EYA1: variants seen among roughly 807,000 people sequenced by gnomAD.
EYA1 encodes EYA transcriptional coactivator and phosphatase 1, also known as protein phosphatase EYA1.
In EYA1, 16 loss-of-function variants were observed where a neutral mutation model predicts 82.0. That is an observed-to-expected ratio of 0.20 (90% CI 0.13 to 0.30). The LOEUF (loss-of-function observed/expected upper bound fraction) is 0.30. Ranked by LOEUF, EYA1 falls within the 10% of genes least tolerant of loss-of-function variation. The probability of loss-of-function intolerance (pLI) is 1.00; values close to 1 mark genes in which losing one functional copy is unlikely to be tolerated. For synonymous variants in EYA1, 261 were observed against 264.4 expected (o/e 0.99, Z 0.12); for missense variants, 633 against 730.7 (o/e 0.87, Z 1.54).
At chr8:71,342,355 A>T (rs896476743) in intron 3 of EYA1, among the ~76,000 whole-genome samples, 3 of 152,066 alleles carry the variant, frequency 2.0e-5, no homozygotes, top group African/African-American at 7.2e-5. Flanking sequence ...AGTCTCCCAA[A>T]CTATCCTACC....
chr8:71,291,310 T>C (rs938349743), intron 9 of EYA1, among the ~76,000 whole-genome samples: 5 of 152,220 alleles, frequency 3.3e-5, no homozygotes, highest in Non-Finnish European at 2.9e-5. Flanking sequence ...TGCTCTACTT[T>C]CTTGTGCCTT....
intron 2 of EYA1, among the ~76,000 whole-genome samples, chr8:71,457,402 C>T (rs1479484648): frequency 6.6e-6 from 1 of 152,174 alleles, no homozygotes; most frequent in Non-Finnish European, 1.5e-5. Flanking sequence ...CCAGCCATCT[C>T]ATTACTGGGT....
chr8:71,386,625 T>C (rs1828980005), intron 2 of EYA1, among the ~76,000 whole-genome samples: 1 of 152,202 alleles, frequency 6.6e-6, no homozygotes, highest in Non-Finnish European at 1.5e-5. Context: ...TTCATACCAT[T>C]CATTCAGATT....
intron 2 of EYA1, among the ~76,000 whole-genome samples, chr8:71,396,146 C>T (rs184487694): frequency 6.6e-6 from 1 of 151,896 alleles, no homozygotes; most frequent in Non-Finnish European, 1.5e-5. Flanking sequence ...TATCCCCTTT[C>T]TCATTTTTTA....
chr8:71,239,052 A>G (rs1812171272), intron 12 of EYA1, among the ~76,000 whole-genome samples: 1 of 152,120 alleles, frequency 6.6e-6, no homozygotes, highest in South Asian at 2.1e-4. Context: ...ATACTTTTAT[A>G]TTTCTATTTT....
At chr8:71,337,542 G>A (rs1049721362) in intron 3 of EYA1, among the ~76,000 whole-genome samples, 1 of 152,118 alleles carries the variant, frequency 6.6e-6, no homozygotes, top group African/African-American at 2.4e-5. Context: ...CTCCACCAAT[G>A]CCTTTGAGTT....
chr8:71,251,226 T>G (rs535455247), intron 11 of EYA1, among the ~76,000 whole-genome samples: 3 of 152,338 alleles, frequency 2.0e-5, no homozygotes, highest in African/African-American at 7.2e-5. Flanking sequence ...TGAAATTTAC[T>G]TCTCTGGTAG....
At position 71,426,062 on chromosome 8, in the gene EYA1, A is replaced by T. The variant is rs557465535; in HGVS notation, c.34-69551T>A. On this transcript the variant is annotated intron_variant, in intron 2 of 18. Coordinates refer to the EYA1 transcript ENST00000643681. The stretch of plus-strand genomic sequence containing the variant: ...CAAGGAATGAAATATAATATCATCC[A>T]TTCTGGCTGATATTTCAATAGTGTT... Among the ~76,000 whole-genome samples the T allele has an allele frequency of 2.6e-5, 4 of 152,368 alleles. No individual in the cohort carries two copies. In the South Asian group the frequency reaches 8.3e-4, roughly 32 times the overall value.
At chr8:71,421,051 A>C (rs534506797) in intron 2 of EYA1, among the ~76,000 whole-genome samples, 1 of 152,344 alleles carries the variant, frequency 6.6e-6, no homozygotes, top group South Asian at 2.1e-4. Flanking sequence ...CATTGGCCTC[A>C]GAGTGCCAGG....
intron 12 of EYA1, among the ~76,000 whole-genome samples, chr8:71,221,142 C>T (rs1809855463): frequency 6.6e-6 from 1 of 152,194 alleles, no homozygotes. Context: ...GGAGGGACAG[C>T]CTGGTCCACC....
intron 11 of EYA1, among the ~76,000 whole-genome samples, chr8:71,261,173 AAT>A (rs1222217664): frequency 7.9e-5 from 12 of 152,266 alleles, no homozygotes; most frequent in African/African-American, 2.2e-4. Context: ...AAAAATAAAA[AAT>A]AAAAAACACA....
intron 2 of EYA1, among the ~76,000 whole-genome samples, chr8:71,502,853 T>C (rs1586842776): frequency 6.6e-6 from 1 of 152,204 alleles, no homozygotes; most frequent in Non-Finnish European, 1.5e-5. Flanking sequence ...CAATTGCCAT[T>C]GTTTAACTGA....
chr8:71,392,445 A>C (rs1188291695), intron 2 of EYA1, among the ~76,000 whole-genome samples: 2 of 152,190 alleles, frequency 1.3e-5, no homozygotes, highest in African/African-American at 4.8e-5. Flanking sequence ...AAGTTGCTTC[A>C]TCAAGTTTTG....
At chr8:71,228,158 T>C (rs972775203) in intron 12 of EYA1, among the ~76,000 whole-genome samples, 1 of 152,124 alleles carries the variant, frequency 6.6e-6, no homozygotes, top group African/African-American at 2.4e-5. Context: ...CATCATCACC[T>C]CCCTCACTGT....
At chr8:71,368,630 G>A (rs1322054822) in intron 2 of EYA1, among the ~76,000 whole-genome samples, 2 of 152,178 alleles carry the variant, frequency 1.3e-5, no homozygotes, top group Non-Finnish European at 2.9e-5. Flanking sequence ...TAGATATGCA[G>A]ACTTTATGCA....
intron 12 of EYA1, among the ~76,000 whole-genome samples, chr8:71,243,313 AATT>A (rs1812711142): frequency 6.6e-6 from 1 of 152,212 alleles, no homozygotes; most frequent in African/African-American, 2.4e-5. Context: ...AAGTGAAAAC[AATT>A]ATCAATCAGA....
intron 4 of EYA1, among the ~76,000 whole-genome samples, chr8:71,331,285 C>CATAT (rs1554554475): frequency 1.5e-3 from 191 of 127,526 alleles, no homozygotes; most frequent in African/African-American, 5.2e-3. Context: ...CACACACACA[C>CATAT]ATATATATAC....
At chr8:71,310,431 A>G (rs901445601) in intron 7 of EYA1, among the ~76,000 whole-genome samples, 2 of 152,166 alleles carry the variant, frequency 1.3e-5, no homozygotes, top group Non-Finnish European at 2.9e-5. Context: ...GTTCTCTGAC[A>G]GGTCCCAGTG....
Position 71,451,271 on chromosome 8 carries a change from A to G in EYA1, c.33+84473T>C, listed in dbSNP as rs368319226. On this transcript the variant is annotated intron_variant, in intron 2 of 18. Transcript: ENST00000643681. Reference sequence around the variant, plus strand: ...TGTTCATCATCACAGCAATAAGTATAGAAAAACAAATATGGAACAAACAAA... The same window carrying G: ...TGTTCATCATCACAGCAATAAGTATGGAAAAACAAATATGGAACAAACAAA... Among the ~76,000 whole-genome samples the G allele has an allele frequency of 2.0e-4, 31 of 152,372 alleles. No homozygotes were observed. The South Asian group carries it at 6.2e-3, about 31-fold the overall frequency.
Sources: gnomAD v4.1 joint callset for allele counts (sites outside exome capture counted in the v4.1 genomes callset) on GRCh38, gnomAD v4.1.1 for gene constraint, MANE v1.5 for transcripts, NCBI Gene and HGNC (gene_info 2026-07-23, HGNC 2026-07-21) for gene names.